CDK6: variants seen among roughly 807,000 people sequenced by gnomAD.
The protein encoded by CDK6 is cyclin-dependent kinase 6.
A neutral mutation model predicts 37.1 loss-of-function variants in CDK6; 6 were observed. The observed-to-expected ratio is 0.16, with a 90% CI of 0.09 to 0.32. The LOEUF is 0.32. Among genes scored for constraint, CDK6 ranks in the 10% least tolerant of loss-of-function variants. The pLI is 1.00. For synonymous variants in CDK6, 160 were observed against 161.3 expected, an observed-to-expected ratio of 0.99 and a Z score of 0.06; for missense variants, 224 against 418.9, an observed-to-expected ratio of 0.53 and a Z score of 4.06.
intron 6 of CDK6, 75 bp from the exon 7 acceptor site, chr7:92,618,282 A>T: frequency 6.6e-7 from 1 of 1,509,902 alleles, no homozygotes; most frequent in Non-Finnish European, 9.1e-7. Flanking sequence ...TTCCAGAGAA[A>T]GGCAAAATCT....
At chr7:92,827,121 T>C (rs1028052748) in intron 2 of CDK6, among the ~76,000 whole-genome samples, 2 of 152,198 alleles carry the variant, frequency 1.3e-5, no homozygotes, top group African/African-American at 4.8e-5. Flanking sequence ...AACTGTTCAC[T>C]AACAGTGAGA....
intron 3 of CDK6, among the ~76,000 whole-genome samples, chr7:92,748,786 C>T (rs1799118507): frequency 2.0e-5 from 3 of 152,160 alleles, no homozygotes; most frequent in African/African-American, 7.2e-5. Flanking sequence ...CCTGAGGCCC[C>T]ATGGAAGGCA....
chr7:92,736,964 G>A (rs753359116), intron 3 of CDK6, among the ~76,000 whole-genome samples: 1 of 152,148 alleles, frequency 6.6e-6, no homozygotes, highest in Admixed American at 6.5e-5. Context: ...GGAGAGCTCC[G>A]CTACATTTCC....
intron 3 of CDK6, among the ~76,000 whole-genome samples, chr7:92,755,287 C>T (rs899986308): frequency 6.6e-6 from 1 of 152,038 alleles, no homozygotes; most frequent in Non-Finnish European, 1.5e-5. Context: ...ACTTGTTTAA[C>T]CTCGGGGAAC....
chr7:92,725,158 T>C (rs1421424830), intron 4 of CDK6: 1 of 985,332 alleles, frequency 1.0e-6, no homozygotes, highest in Non-Finnish European at 1.2e-6. Context: ...ACTGTGAATT[T>C]GATTTCTTCT....
chr7:92,766,032 G>T (rs1019327911), intron 3 of CDK6, among the ~76,000 whole-genome samples: 3 of 152,170 alleles, frequency 2.0e-5, no homozygotes, highest in African/African-American at 7.2e-5. Context: ...GCCCAAGGAA[G>T]AGTGGAGGCA....
chr7:92,611,205 C>T lies in CDK6; in HGVS notation c.*3935G>A, dbSNP rs534303121. 1 of 226,966 alleles carries T rather than the reference C, an allele frequency of 4.4e-6. No individual in the cohort carries two copies. The highest frequency in any genetic ancestry group is 1.8e-4 in the South Asian group (1 of 5,482). 14.1% of individuals were successfully genotyped at this position (226,966 alleles called of 1,614,324 possible). On this transcript the variant is annotated 3_prime_UTR_variant, in exon 8 of 8. Coordinates refer to ENST00000424848, the MANE Select transcript of CDK6 (RefSeq NM_001145306.2). The stretch of plus-strand genomic sequence containing the variant: ...AGCCTTAGAAATCATACATCTTTAT[C>T]TGTCACAATGTGAAACATGCATTCT...
At chr7:92,723,011 C>A (rs910017765) in intron 4 of CDK6, among the ~76,000 whole-genome samples, 3 of 152,050 alleles carry the variant, frequency 2.0e-5, no homozygotes, top group African/African-American at 4.8e-5. Flanking sequence ...ATGGCAAAAC[C>A]CTGCCTCTAC....
chr7:92,806,357 T>C (rs1015683512), intron 2 of CDK6, among the ~76,000 whole-genome samples: 3 of 152,174 alleles, frequency 2.0e-5, no homozygotes, highest in East Asian at 3.8e-4. Flanking sequence ...ACATGTACAA[T>C]TGTAGATTCT....
intron 3 of CDK6, among the ~76,000 whole-genome samples, chr7:92,762,761 C>T (rs978603273): frequency 2.0e-5 from 3 of 151,804 alleles, no homozygotes; most frequent in Non-Finnish European, 4.4e-5. Context: ...TTAGTAGAGA[C>T]GAGGTTTCAC....
intron 2 of CDK6, among the ~76,000 whole-genome samples, chr7:92,811,923 C>T (rs1800896497): frequency 6.6e-6 from 1 of 152,118 alleles, no homozygotes; most frequent in African/African-American, 2.4e-5. Flanking sequence ...GAGGCTAAGG[C>T]TGGAGGATCA....
intron 4 of CDK6, among the ~76,000 whole-genome samples, chr7:92,704,094 AC>A (rs1484013243): frequency 1.3e-5 from 2 of 151,834 alleles, no homozygotes; most frequent in Non-Finnish European, 2.9e-5. Flanking sequence ...CCTATCTCCT[AC>A]GCAAAAGACC....
chr7:92,690,835 A>G (rs749706447), intron 4 of CDK6, among the ~76,000 whole-genome samples: 2 of 152,200 alleles, frequency 1.3e-5, no homozygotes, highest in African/African-American at 2.4e-5. Flanking sequence ...TGCATTAAAA[A>G]TGAAAGTAAA....
chr7:92,770,851 G>C (rs1298069119), intron 3 of CDK6, among the ~76,000 whole-genome samples: 2 of 152,080 alleles, frequency 1.3e-5, no homozygotes, highest in Non-Finnish European at 2.9e-5. Context: ...ACACAACACT[G>C]GGTAGAGGAA....
At position 92,696,973 on chromosome 7, in the gene CDK6, C is replaced by T. The variant is rs540049747; in HGVS notation, c.538-25438G>A. Reference sequence around the variant, plus strand: ...ACAGGAATGAGAGAGAGAATTTTCTCTTCACATTTGGAGATGAAGCCTGGC... The same window carrying T: ...ACAGGAATGAGAGAGAGAATTTTCTTTTCACATTTGGAGATGAAGCCTGGC... On this transcript the variant is annotated intron_variant, in intron 4 of 7. Transcript: ENST00000424848. 3.9e-5 allele frequency among the ~76,000 whole-genome samples: 6 copies of T among 152,320 alleles called. No homozygotes were observed. In the South Asian group the frequency reaches 1.0e-3, roughly 26 times the overall value.
chr7:92,710,934 G>C, intron 4 of CDK6: 1 of 889,882 alleles, frequency 1.1e-6, no homozygotes, highest in Non-Finnish European at 1.3e-6. Context: ...TTAGAGGACA[G>C]GAAGAGCAGA....
chr7:92,634,262 C>A (rs1268581436), intron 5 of CDK6, among the ~76,000 whole-genome samples: 1 of 151,964 alleles, frequency 6.6e-6, no homozygotes, highest in African/African-American at 2.4e-5. Context: ...TGAAATTGAC[C>A]AATTACCCTA....
rs1033821544 is a variant in CDK6, at chr7:92,834,596, G to T, written c.-367-906C>A. Among the ~76,000 whole-genome samples, 2 of 150,276 alleles carry T rather than the reference G, an allele frequency of 1.3e-5. No individual in the cohort carries two copies. Among genetic ancestry groups the T allele is most frequent in the Non-Finnish European group, 2.9e-5 (2 of 67,806 alleles). On this transcript the variant is annotated intron_variant, in intron 1 of 7. Transcript: ENST00000424848. The surrounding 1 kb of genome is among the most constrained non-coding windows in gnomAD (Gnocchi z 4.6). ...TCGTCTCCTTAAAGAATAACTTCAG[G>T]AAGGGGATAGCATAATCGCGCCTCG...
rs530659653 is a variant in CDK6, at chr7:92,822,083, C to A, written c.233+11008G>T. Reference sequence around the variant, plus strand: ...CTTTAGAAGTCATATTTTAATATAACTAATTTTACAGTAAAACAAAAATGA... The same window carrying A: ...CTTTAGAAGTCATATTTTAATATAAATAATTTTACAGTAAAACAAAAATGA... On this transcript the variant is annotated intron_variant, in intron 2 of 7. Coordinates refer to ENST00000424848, the MANE Select transcript of CDK6 (RefSeq NM_001145306.2). 1.7e-4 allele frequency among the ~76,000 whole-genome samples: 26 copies of A among 152,046 alleles called. No homozygotes were observed. In the South Asian group the frequency reaches 4.4e-3, roughly 25 times the overall value.
Sources: gnomAD v4.1 joint callset for allele counts (sites outside exome capture counted in the v4.1 genomes callset) on GRCh38, gnomAD v4.1.1 for gene constraint, Gnocchi (gnomAD v3.1) non-coding constraint, MANE v1.5 for transcripts, NCBI Gene and HGNC (gene_info 2026-07-23, HGNC 2026-07-21) for gene names.